The following BMP5 variants were observed in gnomAD, a reference collection of about 807,000 sequenced individuals.
BMP5 encodes bone morphogenetic protein 5.
Under a neutral mutation model 46.6 loss-of-function variants are expected in BMP5, and 23 were observed. That is an observed-to-expected ratio of 0.49 (90% CI 0.35 to 0.70). The LOEUF (loss-of-function observed/expected upper bound fraction) is 0.70, where lower values mean the gene tolerates loss of function less well. BMP5 is among the 30% of genes least tolerant of loss of function. The pLI is 0.00. For missense variants in BMP5, 545 were observed against 565.6 expected (o/e 0.96, Z 0.37); for synonymous variants, 204 against 191.9 (o/e 1.06, Z -0.52).
At chr6:55,770,227 T>C (rs1308697126) in intron 4 of BMP5, among the ~76,000 whole-genome samples, 1 of 151,978 alleles carries the variant, frequency 6.6e-6, no homozygotes, top group African/African-American at 2.4e-5. Flanking sequence ...TGTGGTTCAG[T>C]GTAGCTACCT....
intron 6 of BMP5, among the ~76,000 whole-genome samples, chr6:55,756,398 A>G (rs1774599558): frequency 6.6e-6 from 1 of 151,936 alleles, no homozygotes; most frequent in Admixed American, 6.6e-5. Flanking sequence ...CACCTCCCCA[A>G]AAGCCTAAAA....
intron 1 of BMP5, among the ~76,000 whole-genome samples, chr6:55,856,623 G>A (rs1293233546): frequency 2.9e-4 from 44 of 151,816 alleles, no homozygotes; most frequent in Non-Finnish European, 7.4e-5. Flanking sequence ...GTTTTAATTA[G>A]CAATTCTCTA....
At chr6:55,775,852 C>T (rs1477452275) in intron 3 of BMP5, among the ~76,000 whole-genome samples, 2 of 150,760 alleles carry the variant, frequency 1.3e-5, no homozygotes, top group East Asian at 3.9e-4. Context: ...GAGACCGTGT[C>T]GTATAAGGTT....
intron 2 of BMP5, among the ~76,000 whole-genome samples, chr6:55,810,572 T>G (rs2127535051): frequency 6.6e-6 from 1 of 152,282 alleles, no homozygotes; most frequent in Non-Finnish European, 1.5e-5. Flanking sequence ...GTTCAACCAT[T>G]TTTCATGCAG....
intron 3 of BMP5, among the ~76,000 whole-genome samples, chr6:55,790,332 G>A (rs149576285): frequency 1.1e-4 from 17 of 152,094 alleles, no homozygotes; most frequent in African/African-American, 1.2e-4. Context: ...CAATACCTAC[G>A]ACCTGCATTG....
In BMP5 at chr6:55,794,286, T is replaced by C. The variant is rs746107731; in HGVS notation, c.825A>G (p.Thr275=). ...ATAAAATTCAGTGCTTACCATCCCC[T>C]GTTTCTGCACAGAGCTGTAAGCCCA... is the stretch of plus-strand genomic sequence containing the variant. ...NNLGLQLCAE[T]GDGRSINVKS... Residue 275 remains threonine, a synonymous_variant, in exon 3 of 7, where the codon ACA becomes ACG. Transcript: ENST00000370830. The C allele has an allele frequency of 2.5e-6, 4 of 1,613,956 alleles. No homozygotes were observed. The highest frequency in any genetic ancestry group is 1.1e-5 in the South Asian group (1 of 91,078).
At chr6:55,846,811 T>G (rs996704847) in intron 1 of BMP5, among the ~76,000 whole-genome samples, 1 of 151,336 alleles carries the variant, frequency 6.6e-6, no homozygotes, top group Non-Finnish European at 1.5e-5. Flanking sequence ...TACCCAAGTT[T>G]TATATATTCA....
intron 6 of BMP5, 23 bp downstream of exon 6, chr6:55,758,982 A>G (rs1386114098): frequency 6.9e-7 from 1 of 1,458,638 alleles, no homozygotes; most frequent in Non-Finnish European, 9.6e-7. Flanking sequence ...AGCTTTTCTT[A>G]ATCCTTCAAA....
At chr6:55,819,886 T>C (rs756871848) in intron 1 of BMP5, 39 bp from the exon 2 acceptor site, 1 of 1,505,166 alleles carries the variant, frequency 6.6e-7, no homozygotes, top group Non-Finnish European at 9.2e-7. Context: ...AAAAAGTTAG[T>C]CTTTTATAAA....
In BMP5 at chr6:55,755,388, T is replaced by TATATACATG; in HGVS notation, c.*136_*144dup. The TATATACATG allele has an allele frequency of 1.4e-6, 1 of 712,436 alleles. No individual in the cohort carries two copies. The allele number at this position is 712,436 out of a possible 1,614,324, so 44.1% of individuals were successfully genotyped here. ...ATACGTTTAAATAAATAAAAATGAC[T>TATATACATG]ATATACATGATATTGTACATAGGAA... is the stretch of plus-strand genomic sequence containing the variant. On this transcript the variant is annotated 3_prime_UTR_variant, in exon 7 of 7. Transcript: ENST00000370830.
intron 3 of BMP5, among the ~76,000 whole-genome samples, chr6:55,779,638 T>G (rs1193578717): frequency 6.6e-6 from 1 of 152,094 alleles, no homozygotes; most frequent in Non-Finnish European, 1.5e-5. Context: ...TAGAATCTTG[T>G]CTACTTAAAT....
At chr6:55,861,174 G>C (rs1021921520) in intron 1 of BMP5, among the ~76,000 whole-genome samples, 1 of 152,164 alleles carries the variant, frequency 6.6e-6, no homozygotes, top group Non-Finnish European at 1.5e-5. Context: ...TTCCTAACTT[G>C]TCAGCTGTAG....
intron 2 of BMP5, among the ~76,000 whole-genome samples, chr6:55,806,730 T>A (rs760967769): frequency 2.0e-5 from 3 of 152,024 alleles, no homozygotes; most frequent in Non-Finnish European, 4.4e-5. Context: ...TTGTTTGTGT[T>A]CTGTCTTATT....
chr6:55,794,333 C>T lies in BMP5; in HGVS notation c.778G>A (p.Val260Met), dbSNP rs762067139. The change falls in exon 3 of 7, where the codon GTG becomes ATG. Residue 260 changes from valine (V) to methionine (M), a missense_variant. By Grantham distance (21) the Val-to-Met change is conservative. Coordinates refer to ENST00000370830, the MANE Select transcript of BMP5 (RefSeq NM_021073.4). ...FDITVTSNHW[V>M]INPQNNLGLQ... ...CCCAAATTATTCTGGGGATTAATCA[C>T]CCAATGATTGCTGGTCACAGTGATA... 107 of 1,613,874 alleles carry T rather than the reference C, an allele frequency of 6.6e-5. No individual in the cohort carries two copies. Among genetic ancestry groups the T allele is most frequent in the Non-Finnish European group, 8.7e-5 (103 of 1,179,904 alleles).
chr6:55,866,673 G>A (rs1777647488), intron 1 of BMP5, among the ~76,000 whole-genome samples: 1 of 152,068 alleles, frequency 6.6e-6, no homozygotes, highest in African/African-American at 2.4e-5. Context: ...AGTTCATATT[G>A]TGATCTGAAA....
At chr6:55,862,937 T>A (rs1777557499) in intron 1 of BMP5, among the ~76,000 whole-genome samples, 1 of 152,214 alleles carries the variant, frequency 6.6e-6, no homozygotes, top group Admixed American at 6.5e-5. Context: ...TAATTTTACT[T>A]GGTGCTAGAT....
rs77494678 is a variant in BMP5, at chr6:55,842,596, G to T, written c.491-22749C>A. 5.2e-3 allele frequency among the ~76,000 whole-genome samples: 790 copies of T among 152,002 alleles called. 2 individuals are homozygous for T. Among genetic ancestry groups the T allele is most frequent in the Middle Eastern group, 0.014 (4 of 294 alleles). On this transcript the variant is annotated intron_variant, in intron 1 of 6. Coordinates refer to ENST00000370830, the MANE Select transcript of BMP5 (RefSeq NM_021073.4). The stretch of plus-strand genomic sequence containing the variant: ...CTGCCTCCTCAATTCACTGGCTGCT[G>T]CTCTCAGCTGAGGTTTCACCTTCTT...
At position 55,755,089 on chromosome 6, in the gene BMP5, A is replaced by AC. The variant is rs1774548992; in HGVS notation, c.*443_*444insG. The AC allele has an allele frequency of 6.6e-6, 1 of 152,346 alleles. No homozygotes were observed. The highest frequency in any genetic ancestry group is 2.1e-4 in the South Asian group (1 of 4,856). 9.4% of individuals were successfully genotyped at this position (152,346 alleles called of 1,614,324 possible). ...TCCAAGAATTTTTGTTTGGGTTGTT[A>AC]TTTTTTTAAGTCTTATTTCTAAATA... On this transcript the variant is annotated 3_prime_UTR_variant, in exon 7 of 7. Coordinates refer to ENST00000370830, the MANE Select transcript of BMP5 (RefSeq NM_021073.4).
chr6:55,820,832 G>A (rs1373164977), intron 1 of BMP5, among the ~76,000 whole-genome samples: 1 of 152,084 alleles, frequency 6.6e-6, no homozygotes, highest in African/African-American at 2.4e-5. Flanking sequence ...ATTCAGAATT[G>A]AGAGGGGAAC....
Sources: allele counts gnomAD v4.1 joint callset (sites outside exome capture counted in the v4.1 genomes callset), GRCh38; gene constraint gnomAD v4.1.1; transcripts MANE v1.5; gene names NCBI Gene and HGNC (gene_info 2026-07-23, HGNC 2026-07-21).